B3GLCT: variants seen among roughly 807,000 people sequenced by gnomAD.
B3GLCT encodes beta-1,3-glucosyltransferase.
Under a neutral mutation model 63.4 loss-of-function variants are expected in B3GLCT, and 65 were observed. That is an observed-to-expected ratio of 1.03 (90% CI 0.84 to 1.26). The LOEUF (loss-of-function observed/expected upper bound fraction) is 1.26. Among genes scored for constraint, B3GLCT ranks in the 50% most tolerant of loss-of-function variants. The pLI is 0.00. For missense variants in B3GLCT, 577 were observed against 604.8 expected (o/e 0.95, Z 0.48); for synonymous variants, 233 against 219.2 (o/e 1.06, Z -0.55).
At chr13:31,200,594 C>T (rs148471044) in intron 1 of B3GLCT, among the ~76,000 whole-genome samples, 28,647 of 151,384 alleles carry the variant, frequency 0.19, 2,887 homozygotes, top group Non-Finnish European at 0.21. Context: ...CTCCGCCGTC[C>T]TGCGCGCCCC....
intron 8 of B3GLCT, among the ~76,000 whole-genome samples, chr13:31,271,150 C>T (rs1872560783): frequency 1.3e-5 from 2 of 152,210 alleles, no homozygotes; most frequent in South Asian, 4.1e-4. Flanking sequence ...CATATTCGGA[C>T]AAAACATTTG....
At chr13:31,208,625 C>CG (rs1192613786) in intron 1 of B3GLCT, among the ~76,000 whole-genome samples, 4 of 119,264 alleles carry the variant, frequency 3.4e-5, no homozygotes, top group East Asian at 8.6e-4. Flanking sequence ...AGTGGCCCCC[C>CG]CCCCCCGCTC....
At chr13:31,249,927 G>T (rs542146702) in intron 6 of B3GLCT, among the ~76,000 whole-genome samples, 2 of 152,100 alleles carry the variant, frequency 1.3e-5, no homozygotes, top group Admixed American at 6.5e-5. Flanking sequence ...ATGTGTGAGG[G>T]TATAAGGTAT....
rs939061502 is a variant in B3GLCT, at chr13:31,319,325, G to A, written c.1184+1640G>A. Reference sequence around the variant, plus strand: ...CCATGCCTTCTCCTTCCTACCCTGCGGAACATCTTGAGTTCACTACTCTAT... The same window carrying A: ...CCATGCCTTCTCCTTCCTACCCTGCAGAACATCTTGAGTTCACTACTCTAT... On this transcript the variant is annotated intron_variant, in intron 13 of 14. Coordinates refer to ENST00000343307, the MANE Select transcript of B3GLCT (RefSeq NM_194318.4). Among the ~76,000 whole-genome samples, 5 of 151,984 alleles carry A rather than the reference G, an allele frequency of 3.3e-5. No individual in the cohort carries two copies. The South Asian group carries it at 1.0e-3, about 32-fold the overall frequency.
chr13:31,263,387 A>G (rs1468669354), intron 7 of B3GLCT, among the ~76,000 whole-genome samples: 1 of 152,140 alleles, frequency 6.6e-6, no homozygotes, highest in East Asian at 1.9e-4. Context: ...GTTTGAACAC[A>G]TTTTTGACTC....
At chr13:31,301,610 T>G (rs1055084409) in intron 12 of B3GLCT, among the ~76,000 whole-genome samples, 1 of 152,228 alleles carries the variant, frequency 6.6e-6, no homozygotes, top group African/African-American at 2.4e-5. Context: ...ATTTTACCCT[T>G]TCTTCTGCAA....
intron 4 of B3GLCT, 145 bp from the exon 5 acceptor site, chr13:31,246,878 T>G: frequency 3.0e-6 from 2 of 659,218 alleles, no homozygotes; most frequent in Admixed American, 2.9e-5. Context: ...AAGAGTACCA[T>G]GTCAGGTCTC....
At chr13:31,321,753 AC>A (rs1031661890) in intron 13 of B3GLCT, among the ~76,000 whole-genome samples, 12 of 152,316 alleles carry the variant, frequency 7.9e-5, no homozygotes, top group African/African-American at 2.9e-4. Flanking sequence ...AGACCTTTGT[AC>A]TATTTGAATC....
chr13:31,289,220 A>G (rs1873516754), intron 12 of B3GLCT, among the ~76,000 whole-genome samples: 1 of 152,170 alleles, frequency 6.6e-6, no homozygotes, highest in Admixed American at 6.5e-5. Context: ...ATGAAAAAGA[A>G]TGAAAACAGC....
intron 6 of B3GLCT, among the ~76,000 whole-genome samples, chr13:31,257,047 CAT>C (rs978321575): frequency 6.6e-6 from 1 of 152,064 alleles, no homozygotes; most frequent in Non-Finnish European, 1.5e-5. Context: ...TGGCTCTATG[CAT>C]AGATTCTATA....
intron 1 of B3GLCT, among the ~76,000 whole-genome samples, chr13:31,205,116 T>C (rs1868878570): frequency 6.6e-6 from 1 of 152,070 alleles, no homozygotes; most frequent in Admixed American, 6.5e-5. Flanking sequence ...GAGTTCAAAA[T>C]GCATGTGAGA....
At chr13:31,258,118 A>T (rs1871832390) in intron 6 of B3GLCT, among the ~76,000 whole-genome samples, 1 of 152,232 alleles carries the variant, frequency 6.6e-6, no homozygotes, top group South Asian at 2.1e-4. Context: ...ATCAGGTCAC[A>T]TTTGAACAGA....
At chr13:31,253,036 T>G (rs1165517569) in intron 6 of B3GLCT, among the ~76,000 whole-genome samples, 1 of 152,086 alleles carries the variant, frequency 6.6e-6, no homozygotes, top group African/African-American at 2.4e-5. Flanking sequence ...TGCAATCAAA[T>G]TAGAACTCAG....
intron 12 of B3GLCT, among the ~76,000 whole-genome samples, chr13:31,291,409 A>ACTTTGGT (rs1873651904): frequency 6.6e-6 from 1 of 152,208 alleles, no homozygotes; most frequent in Admixed American, 6.5e-5. Context: ...TCTGTAAATT[A>ACTTTGGT]CTTTGGTCAG....
chr13:31,251,321 C>T (rs914313005), intron 6 of B3GLCT, among the ~76,000 whole-genome samples: 1 of 152,152 alleles, frequency 6.6e-6, no homozygotes, highest in Non-Finnish European at 1.5e-5. Context: ...TTCAAAGGAT[C>T]ACAACTCCTC....
At chr13:31,219,601 T>C (rs1869723068) in intron 2 of B3GLCT, among the ~76,000 whole-genome samples, 1 of 152,184 alleles carries the variant, frequency 6.6e-6, no homozygotes, top group Non-Finnish European at 1.5e-5. Context: ...TAGCCAGTTG[T>C]GGGGCTTAGT....
At chr13:31,294,555 G>A (rs1873836933) in intron 12 of B3GLCT, among the ~76,000 whole-genome samples, 1 of 152,036 alleles carries the variant, frequency 6.6e-6, no homozygotes, top group Non-Finnish European at 1.5e-5. Context: ...ATTTCAGTAA[G>A]TTGGTCTTCA....
intron 1 of B3GLCT, among the ~76,000 whole-genome samples, chr13:31,214,039 A>G (rs1028384834): frequency 2.0e-5 from 3 of 149,738 alleles, no homozygotes; most frequent in African/African-American, 7.3e-5. Context: ...GGGGGTGGGG[A>G]TGGGGAGGGA....
intron 13 of B3GLCT, among the ~76,000 whole-genome samples, chr13:31,319,177 G>T (rs1389328634): frequency 6.6e-6 from 1 of 152,108 alleles, no homozygotes; most frequent in East Asian, 1.9e-4. Context: ...CCCTTCCCTT[G>T]CCCCTGGCAG....
Sources: gnomAD v4.1 joint callset for allele counts (sites outside exome capture counted in the v4.1 genomes callset) on GRCh38, gnomAD v4.1.1 for gene constraint, MANE v1.5 for transcripts, NCBI Gene and HGNC (gene_info 2026-07-23, HGNC 2026-07-21) for gene names.